The following SNX29 variants were observed in gnomAD, a reference collection of about 807,000 sequenced individuals.
SNX29 encodes sorting nexin 29.
SNX29 carries 78 observed loss-of-function variants against 102.1 expected under a neutral mutation model. The observed-to-expected ratio is 0.76, with a 90% confidence interval of 0.64 to 0.92. The LOEUF is 0.92. Ranked by LOEUF, SNX29 falls within the 40% of genes least tolerant of loss-of-function variation. The pLI is 0.00. For missense variants in SNX29, 1,280 were observed against 1,061.7 expected (o/e 1.21, Z -2.86); for synonymous variants, 580 against 414.5 (o/e 1.40, Z -4.85).
intron 18 of SNX29, among the ~76,000 whole-genome samples, chr16:12,473,191 A>T (rs1197078494): frequency 6.6e-5 from 10 of 152,228 alleles, no homozygotes; most frequent in Non-Finnish European, 7.3e-5. Flanking sequence ...TTAGTTAAGT[A>T]TATGTAATTC....
In SNX29 at chr16:12,559,966, A is replaced by G. The variant is rs2078622242; in HGVS notation, c.2319-8540A>G. On this transcript the variant is annotated intron_variant, in intron 20 of 20. Transcript: ENST00000566228. Reference sequence around the variant, plus strand: ...TGCACTCCAGCCTGGGCAACAGAGCAAGACTCCACCACGAAAAAAAGATTT... The same window carrying G: ...TGCACTCCAGCCTGGGCAACAGAGCGAGACTCCACCACGAAAAAAAGATTT... 4.6e-5 allele frequency among the ~76,000 whole-genome samples: 7 copies of G among 152,316 alleles called. No homozygotes were observed. The South Asian group carries it at 1.0e-3, about 23-fold the overall frequency.
chr16:12,290,982 A>G (rs941704761), intron 15 of SNX29, among the ~76,000 whole-genome samples: 10 of 152,270 alleles, frequency 6.6e-5, no homozygotes, highest in African/African-American at 1.9e-4. Flanking sequence ...ATTGAATGGT[A>G]TCTATTCAGC....
intron 15 of SNX29, among the ~76,000 whole-genome samples, chr16:12,338,841 T>C (rs2081529890): frequency 6.6e-6 from 1 of 152,196 alleles, no homozygotes; most frequent in Non-Finnish European, 1.5e-5. Context: ...ATTTATTGAT[T>C]GAAAGAGGTT....
At chr16:12,090,464 G>A (rs1309190401) in intron 11 of SNX29, among the ~76,000 whole-genome samples, 2 of 152,136 alleles carry the variant, frequency 1.3e-5, no homozygotes, top group African/African-American at 4.8e-5. Context: ...GCTCCAGGGA[G>A]GCCAGTTCCT....
At chr16:12,016,120 C>T (rs1013065351) in intron 3 of SNX29, among the ~76,000 whole-genome samples, 14 of 152,194 alleles carry the variant, frequency 9.2e-5, no homozygotes, top group Non-Finnish European at 2.1e-4. Context: ...CCACCTTGGC[C>T]TCCCAAAGTG....
intron 1 of SNX29, among the ~76,000 whole-genome samples, chr16:11,979,641 T>TGGCA (rs1323622620): frequency 6.6e-6 from 1 of 152,194 alleles, no homozygotes; most frequent in African/African-American, 2.4e-5. Context: ...TGGAGTGCAG[T>TGGCA]GGCAGGATCT....
At chr16:12,036,400 TCTCGG>T (rs2057475279) in intron 4 of SNX29, among the ~76,000 whole-genome samples, 1 of 146,470 alleles carries the variant, frequency 6.8e-6, no homozygotes, top group Non-Finnish European at 1.5e-5. Context: ...AGTGGCACCA[TCTCGG>T]CTCACTGCCA....
At position 12,096,902 on chromosome 16, in the gene SNX29, A is replaced by G. The variant is rs763690483; in HGVS notation, c.1402+17987A>G. Among the ~76,000 whole-genome samples, 17 of 152,162 alleles carry G rather than the reference A, an allele frequency of 1.1e-4. No individual in the cohort carries two copies. The highest frequency in any genetic ancestry group is 2.5e-4 in the Non-Finnish European group (17 of 68,034). ...TGACAGCAGGATGAATGTAGCAAGG[A>G]TAGGGTGGCTGAGGTCCAGAGGGTC... On this transcript the variant is annotated intron_variant, in intron 11 of 20. Transcript: ENST00000566228. This position sits in a 1 kb window ranked among gnomAD's most constrained non-coding sequence, Gnocchi z 4.2.
intron 15 of SNX29, among the ~76,000 whole-genome samples, chr16:12,350,729 C>T (rs1003899097): frequency 2.6e-5 from 4 of 152,180 alleles, no homozygotes; most frequent in African/African-American, 7.2e-5. Flanking sequence ...TGAAATGCTC[C>T]TTTTGTGTTT....
chr16:12,341,645 C>G (rs539555808), intron 15 of SNX29, among the ~76,000 whole-genome samples: 2 of 152,366 alleles, frequency 1.3e-5, no homozygotes, highest in Admixed American at 1.3e-4. Flanking sequence ...CATCTTGTGG[C>G]CACACCATGG....
chr16:12,003,142 G>A (rs1229173794), intron 3 of SNX29, 99 bp downstream of exon 3: 45 of 1,447,050 alleles, frequency 3.1e-5, no homozygotes, highest in Non-Finnish European at 3.9e-5. Context: ...TTGGAAAGGC[G>A]GCAGAAGGCG....
chr16:12,172,905 A>G (rs1596420189), intron 13 of SNX29, among the ~76,000 whole-genome samples: 2 of 152,346 alleles, frequency 1.3e-5, no homozygotes, highest in African/African-American at 4.8e-5. Flanking sequence ...GCAGCTGCTC[A>G]ACTCTGCCAT....
intron 15 of SNX29, among the ~76,000 whole-genome samples, chr16:12,280,565 C>G (rs2079399658): frequency 6.6e-6 from 1 of 152,118 alleles, no homozygotes; most frequent in Non-Finnish European, 1.5e-5. Context: ...GAGATGCTGG[C>G]TGTGGTCAAC....
At chr16:12,566,748 C>T (rs915685768) in intron 20 of SNX29, among the ~76,000 whole-genome samples, 1 of 152,202 alleles carries the variant, frequency 6.6e-6, no homozygotes, top group Non-Finnish European at 1.5e-5. Flanking sequence ...GGCCTGCAGC[C>T]AGACACCCAC....
chr16:12,434,984 G>A (rs1408873346), intron 18 of SNX29, among the ~76,000 whole-genome samples: 1 of 151,014 alleles, frequency 6.6e-6, no homozygotes, highest in Non-Finnish European at 1.5e-5. Context: ...CGGTGGGGGG[G>A]GTTTGGTCAT....
At chr16:11,976,998 C>G (rs903295581) in intron 1 of SNX29, 185 bp downstream of exon 1, 5 of 732,482 alleles carry the variant, frequency 6.8e-6, no homozygotes, top group Non-Finnish European at 9.4e-6. Context: ...CTGCGGGTCT[C>G]TGATCTCCCG....
chr16:12,262,920 C>T (rs745658459), intron 14 of SNX29, among the ~76,000 whole-genome samples: 3 of 152,138 alleles, frequency 2.0e-5, no homozygotes, highest in Non-Finnish European at 2.9e-5. Context: ...CCCTGCAGCC[C>T]TTGGCAACTA....
rs541000088 is a variant in SNX29, at chr16:12,568,617, C to T, written c.2430C>T (p.Ser810=). The T allele has an allele frequency of 9.6e-5, 154 of 1,603,842 alleles. No homozygotes were observed. In the East Asian group the frequency reaches 1.5e-3, roughly 16 times the overall value. Reference sequence around the variant, plus strand: ...AGACCCGCAACGTGGAGCCCCAGAGCGGTGACCTCTGACCTCGACAAAACC... The same window carrying T: ...AGACCCGCAACGTGGAGCCCCAGAGTGGTGACCTCTGACCTCGACAAAACC... ...PRETRNVEPQ[S]GDL Residue 810 remains serine, a synonymous_variant, in exon 21 of 21, where the codon AGC becomes AGT. Coordinates refer to ENST00000566228, the MANE Select transcript of SNX29 (RefSeq NM_032167.5).
chr16:12,052,757 C>A (rs867780270), intron 8 of SNX29: 1 of 165,500 alleles, frequency 6.0e-6, no homozygotes, highest in African/African-American at 2.4e-5. Flanking sequence ...CCTTGAAATT[C>A]TTGCTTTATA....
Sources: gnomAD v4.1 joint callset for allele counts (sites outside exome capture counted in the v4.1 genomes callset) on GRCh38, gnomAD v4.1.1 for gene constraint, Gnocchi (gnomAD v3.1) non-coding constraint, MANE v1.5 for transcripts, NCBI Gene and HGNC (gene_info 2026-07-23, HGNC 2026-07-21) for gene names.